The following DDX18 variants were observed in gnomAD, a reference collection of about 807,000 sequenced individuals.
The protein encoded by DDX18 is ATP-dependent RNA helicase DDX18.
Under a neutral mutation model 73.5 loss-of-function variants are expected in DDX18, and 23 were observed. The ratio of observed to expected loss-of-function variants is 0.31; its 90% CI spans 0.23 to 0.44. The LOEUF is 0.44. DDX18 is among the 20% of genes least tolerant of loss of function. The probability of loss-of-function intolerance (pLI) is 1.00; values close to 1 mark genes in which losing one functional copy is unlikely to be tolerated. For missense variants in DDX18, 753 were observed against 792.9 expected, an observed-to-expected ratio of 0.95 and a Z score of 0.60; for synonymous variants, 268 against 282.7, an observed-to-expected ratio of 0.95 and a Z score of 0.52.
chr2:117,830,095 G>A (rs909947704), intron 13 of DDX18, among the ~76,000 whole-genome samples: 1 of 152,172 alleles, frequency 6.6e-6, no homozygotes, highest in Non-Finnish European at 1.5e-5. Context: ...GGGAACTAGA[G>A]GACCAAATTT....
intron 2 of DDX18, 113 bp from the exon 3 acceptor site, chr2:117,819,536 A>C: frequency 9.6e-7 from 1 of 1,046,466 alleles, no homozygotes; most frequent in South Asian, 1.9e-5. Context: ...TACAGCATAT[A>C]CTTAGCTTTT....
chr2:117,824,794 G>A, intron 8 of DDX18, 86 bp downstream of exon 8: 1 of 1,474,112 alleles, frequency 6.8e-7, no homozygotes, highest in East Asian at 2.4e-5. Flanking sequence ...GAAAGCAAAT[G>A]GGTTAATGAA....
In DDX18 at chr2:117,826,286, G is replaced by A; in HGVS notation, c.1539G>A (p.Val513=). Residue 513 remains valine, a synonymous_variant, in exon 11 of 14, where the codon GTG becomes GTA. Coordinates refer to ENST00000263239, the MANE Select transcript of DDX18 (RefSeq NM_006773.4). Reference sequence around the variant, plus strand: ...CACCAAAGGAATATATTCATCGTGTGGGTAGAACAGCCAGAGGCCTAAATG... The same window carrying A: ...CACCAAAGGAATATATTCATCGTGTAGGTAGAACAGCCAGAGGCCTAAATG... ...PDDPKEYIHR[V]GRTARGLNGR... The A allele has an allele frequency of 6.2e-7, 1 of 1,613,826 alleles. No homozygotes were observed. The highest frequency in any genetic ancestry group is 8.5e-7 in the Non-Finnish European group (1 of 1,179,888).
intron 1 of DDX18, among the ~76,000 whole-genome samples, chr2:117,816,830 C>G (rs545895512): frequency 1.3e-5 from 2 of 152,310 alleles, no homozygotes; most frequent in African/African-American, 4.8e-5. Context: ...ACTGATGGCA[C>G]TAGGTGATAG....
At chr2:117,816,876 C>T (rs1679767333) in intron 1 of DDX18, among the ~76,000 whole-genome samples, 1 of 152,208 alleles carries the variant, frequency 6.6e-6, no homozygotes, top group South Asian at 2.1e-4. Flanking sequence ...TATGGAGCCA[C>T]TGTATATGTT....
At position 117,830,731 on chromosome 2, in the gene DDX18, GCCTT is replaced by G; in HGVS notation, c.*12_*15del. 6.2e-7 allele frequency: 1 copy of G among 1,609,660 alleles called. No homozygotes were observed. Among genetic ancestry groups the G allele is most frequent in the Non-Finnish European group, 8.5e-7 (1 of 1,178,856 alleles). Reference sequence around the variant, plus strand: ...CAGGCAGTTCTCTCACTGAACACATGCCTTCCTTTCATCTTGAATAACTTTGTCC... The same window carrying G: ...CAGGCAGTTCTCTCACTGAACACATGCCTTTCATCTTGAATAACTTTGTCC... On this transcript the variant is annotated 3_prime_UTR_variant, in exon 14 of 14. Coordinates refer to ENST00000263239, the MANE Select transcript of DDX18 (RefSeq NM_006773.4).
At chr2:117,815,511 G>C (rs1679742813) in intron 1 of DDX18, among the ~76,000 whole-genome samples, 1 of 152,176 alleles carries the variant, frequency 6.6e-6, no homozygotes, top group Admixed American at 6.5e-5. Flanking sequence ...AAGTAATTGT[G>C]TTAACCTGTT....
At chr2:117,825,775 G>T in intron 10 of DDX18, 176 bp downstream of exon 10, 1 of 672,656 alleles carries the variant, frequency 1.5e-6, no homozygotes, top group Non-Finnish European at 2.4e-6. Flanking sequence ...GCTCAAACGG[G>T]CTGTGCCAGA....
At chr2:117,823,282 T>TA (rs1364810869) in intron 7 of DDX18, among the ~76,000 whole-genome samples, 2 of 152,206 alleles carry the variant, frequency 1.3e-5, no homozygotes, top group African/African-American at 4.8e-5. Flanking sequence ...AAGACAGTAT[T>TA]GAGTCATGTA....
At position 117,814,768 on chromosome 2, in the gene DDX18, G is replaced by C. The variant is rs372734729; in HGVS notation, c.-10G>C. On this transcript the variant is annotated 5_prime_UTR_variant, in exon 1 of 14. Transcript: ENST00000263239. Reference sequence around the variant, plus strand: ...GTGTGGCGCCTTATTCTAGGCACTTGTTGGGCAGAATGTCACACCTGCCGA... The same window carrying C: ...GTGTGGCGCCTTATTCTAGGCACTTCTTGGGCAGAATGTCACACCTGCCGA... 4 of 1,614,148 alleles carry C rather than the reference G, an allele frequency of 2.5e-6. No homozygotes were observed. The highest frequency in any genetic ancestry group is 2.2e-5 in the East Asian group (1 of 44,876).
chr2:117,821,110 T>C, intron 3 of DDX18, 51 bp from the exon 4 acceptor site: 4 of 1,358,050 alleles, frequency 2.9e-6, no homozygotes, highest in Non-Finnish European at 3.8e-6. Context: ...GTAGCAATAC[T>C]TTTTTAAAAA....
At position 117,814,713 on chromosome 2, in the gene DDX18, A is replaced by ACGTCAGCC; in HGVS notation, c.-64_-57dup. 3.3e-6 allele frequency: 5 copies of ACGTCAGCC among 1,530,984 alleles called. No homozygotes were observed. Among genetic ancestry groups the ACGTCAGCC allele is most frequent in the Non-Finnish European group, 4.5e-6 (5 of 1,113,392 alleles). The allele number at this position is 1,530,984 out of a possible 1,614,324, so 94.8% of individuals were successfully genotyped here. ...CGCACGTGCGGCCGGAAGGGAAGTA[A>ACGTCAGCC]CGTCAGCCTGAGAACTGAGTAGCTG... On this transcript the variant is annotated 5_prime_UTR_variant, in exon 1 of 14. Transcript: ENST00000263239.
At chr2:117,820,264 T>G (rs972388404) in intron 3 of DDX18, among the ~76,000 whole-genome samples, 1 of 152,234 alleles carries the variant, frequency 6.6e-6, no homozygotes, top group Non-Finnish European at 1.5e-5. Flanking sequence ...GGCCCAACCC[T>G]AGACCTGCTT....
chr2:117,824,829 A>C, intron 8 of DDX18, 111 bp from the exon 9 acceptor site: 1 of 1,469,858 alleles, frequency 6.8e-7, no homozygotes. Context: ...TAGGTGAGGC[A>C]TGACAGTTTA....
In DDX18 at chr2:117,824,552, A is replaced by G. The variant is rs1201821007; in HGVS notation, c.1067-17A>G. On this transcript the variant is annotated splice_polypyrimidine_tract_variant and intron_variant, in intron 7 of 13. Transcript: ENST00000263239. ...TCCCTAAAAGATTGGGGTTATTTTT[A>G]TATGTATCTGTTTCAGCACGTAGAC... The G allele has an allele frequency of 7.4e-7, 1 of 1,357,398 alleles. No homozygotes were observed. The allele number at this position is 1,357,398 out of a possible 1,614,324, so 84.1% of individuals were successfully genotyped here. A position where few individuals can be genotyped will look rare whatever the true frequency, so the allele number is the denominator to read the frequency against.
intron 12 of DDX18, 132 bp downstream of exon 12, chr2:117,829,137 A>G (rs1260898838): frequency 1.7e-5 from 19 of 1,122,516 alleles, no homozygotes; most frequent in Admixed American, 5.0e-5. Flanking sequence ...TGTGTAGTGT[A>G]TAAGGTTTCT....
rs1036244986 is a variant in DDX18 at position 117,817,788 on chromosome 2, C to T, written c.370+60C>T. 4 of 1,504,168 alleles carry T rather than the reference C, an allele frequency of 2.7e-6. No individual in the cohort carries two copies. In the South Asian group the frequency reaches 4.0e-5, roughly 15 times the overall value. The allele number at this position is 1,504,168 out of a possible 1,614,324, so 93.2% of individuals were successfully genotyped here. A position where few individuals can be genotyped will look rare whatever the true frequency, so the allele number is the denominator to read the frequency against. ...AGTTTTTCACAGACGGTTATTGTTC[C>T]TCTTTCTATTACTATTGTGTGCACA... On this transcript the variant is annotated intron_variant, in intron 2 of 13. Coordinates refer to ENST00000263239, the MANE Select transcript of DDX18 (RefSeq NM_006773.4).
At position 117,824,967 on chromosome 2, in the gene DDX18, A is replaced by C; in HGVS notation, c.1234A>C (p.Arg412=). 6.2e-7 allele frequency: 1 copy of C among 1,611,652 alleles called. No individual in the cohort carries two copies. The highest frequency in any genetic ancestry group is 8.5e-7 in the Non-Finnish European group (1 of 1,179,398). ...ATATGTTGTTTGTCCTTCTGAAAAG[A>C]GATTCCTTCTGCTCTTTACATTCCT... ...QGYVVCPSEK[R]FLLLFTFLKK... Residue 412 remains arginine (R), a synonymous_variant, in exon 9 of 14, where the codon AGA becomes CGA. Coordinates refer to ENST00000263239, the MANE Select transcript of DDX18 (RefSeq NM_006773.4).
At chr2:117,827,320 CATTT>C (rs1679946815) in intron 11 of DDX18, 2 of 152,082 alleles carry the variant, frequency 1.3e-5, no homozygotes, top group African/African-American at 2.4e-5. Flanking sequence ...ATCAGGTTGA[CATTT>C]CTTTCTTTCT....
Sources: gnomAD v4.1 joint callset for allele counts (sites outside exome capture counted in the v4.1 genomes callset) on GRCh38, gnomAD v4.1.1 for gene constraint, MANE v1.5 for transcripts, NCBI Gene and HGNC (gene_info 2026-07-23, HGNC 2026-07-21) for gene names.